The following MECOM variants were observed in gnomAD, a reference collection of about 807,000 sequenced individuals.
The protein encoded by MECOM is histone-lysine N-methyltransferase MECOM.
In MECOM, 13 loss-of-function variants were observed where a neutral mutation model predicts 116.3. The ratio of observed to expected loss-of-function variants is 0.11; its 90% CI spans 0.07 to 0.18. The LOEUF (loss-of-function observed/expected upper bound fraction) is 0.18, where lower values mean the gene tolerates loss of function less well. Among genes scored for constraint, MECOM ranks in the 10% least tolerant of loss-of-function variants. MECOM has a pLI of 1.00. For missense variants in MECOM, 1,299 were observed against 1,509.0 expected (o/e 0.86, Z 2.31); for synonymous variants, 528 against 535.2 (o/e 0.99, Z 0.19).
intron 1 of MECOM, among the ~76,000 whole-genome samples, chr3:169,517,865 G>A (rs544083540): frequency 6.6e-6 from 1 of 152,288 alleles, no homozygotes; most frequent in East Asian, 1.9e-4. Context: ...TAAGTAAATC[G>A]AGAAATAGCA....
intron 14 of MECOM, among the ~76,000 whole-genome samples, chr3:169,090,750 A>G (rs891632991): frequency 2.0e-5 from 3 of 151,936 alleles, no homozygotes; most frequent in Admixed American, 1.3e-4. Flanking sequence ...ACTAGATGAC[A>G]TTTGTGGTAC....
intron 14 of MECOM, among the ~76,000 whole-genome samples, chr3:169,092,305 G>A (rs1296896324): frequency 6.6e-6 from 1 of 151,870 alleles, no homozygotes; most frequent in Non-Finnish European, 1.5e-5. Context: ...AGGACATAAA[G>A]TAGCAATAGA....
intron 1 of MECOM, among the ~76,000 whole-genome samples, chr3:169,579,037 T>C (rs1764824243): frequency 6.6e-6 from 1 of 152,198 alleles, no homozygotes; most frequent in Admixed American, 6.5e-5. Flanking sequence ...TAACCATTAT[T>C]TAATTAACAG....
At chr3:169,314,950 C>T (rs1169278227) in intron 2 of MECOM, among the ~76,000 whole-genome samples, 3 of 152,192 alleles carry the variant, frequency 2.0e-5, no homozygotes, top group Admixed American at 6.5e-5. Context: ...TGTTAAGTAA[C>T]TACTATGTGG....
intron 1 of MECOM, among the ~76,000 whole-genome samples, chr3:169,654,813 AACACACAC>A (rs10622808): frequency 5.4e-5 from 8 of 147,986 alleles, no homozygotes; most frequent in South Asian, 2.1e-4. Flanking sequence ...CACCTATCAA[AACACACAC>A]ACACACACAC....
At chr3:169,131,638 A>C in intron 3 of MECOM, 107 bp from the exon 4 acceptor site, 1 of 801,928 alleles carries the variant, frequency 1.2e-6, no homozygotes, top group Non-Finnish European at 1.9e-6. Flanking sequence ...ACCTTAACAA[A>C]CATCTTTTTC....
intron 1 of MECOM, among the ~76,000 whole-genome samples, chr3:169,445,951 A>C (rs1186005636): frequency 6.6e-6 from 1 of 152,116 alleles, no homozygotes; most frequent in Non-Finnish European, 1.5e-5. Flanking sequence ...AGTTTCTCCC[A>C]TTTGGAATGG....
At chr3:169,504,072 T>C (rs559627616) in intron 1 of MECOM, among the ~76,000 whole-genome samples, 2 of 150,936 alleles carry the variant, frequency 1.3e-5, no homozygotes, top group South Asian at 2.1e-4. Context: ...TCTCTGAAAA[T>C]AGATCAAAAG....
At chr3:169,572,186 G>C (rs561546056) in intron 1 of MECOM, among the ~76,000 whole-genome samples, 27 of 152,292 alleles carry the variant, frequency 1.8e-4, no homozygotes, top group Admixed American at 9.1e-4. Context: ...TGAATGATAT[G>C]AACAGACATT....
At chr3:169,147,514 A>G in intron 2 of MECOM, 2 of 985,464 alleles carry the variant, frequency 2.0e-6, no homozygotes, top group Non-Finnish European at 1.2e-6. Context: ...TTTTAAAGTG[A>G]CAGCAGCCTC....
intron 2 of MECOM, among the ~76,000 whole-genome samples, chr3:169,283,846 G>A (rs543877403): frequency 3.9e-5 from 6 of 152,122 alleles, no homozygotes; most frequent in African/African-American, 1.4e-4. Context: ...CTGGCAAATG[G>A]CTTCTACTGA....
chr3:169,603,747 C>CAATA (rs1768127979), intron 1 of MECOM, among the ~76,000 whole-genome samples: 2 of 152,142 alleles, frequency 1.3e-5, no homozygotes, highest in Non-Finnish European at 2.9e-5. Flanking sequence ...CTTCAATGTG[C>CAATA]AATAGGCTAA....
At chr3:169,291,119 C>T (rs993703454) in intron 2 of MECOM, among the ~76,000 whole-genome samples, 10 of 152,238 alleles carry the variant, frequency 6.6e-5, no homozygotes, top group South Asian at 2.1e-4. Context: ...ATCCTTCAGT[C>T]GAAGCTCATT....
intron 1 of MECOM, among the ~76,000 whole-genome samples, chr3:169,615,230 G>A (rs1769852814): frequency 1.3e-5 from 2 of 152,194 alleles, no homozygotes; most frequent in African/African-American, 4.8e-5. Context: ...CCACGTTCAT[G>A]TCTCCTCTAG....
At chr3:169,339,273 G>A (rs1160356071) in intron 2 of MECOM, among the ~76,000 whole-genome samples, 1 of 152,302 alleles carries the variant, frequency 6.6e-6, no homozygotes, top group South Asian at 2.1e-4. Flanking sequence ...CAAAAATGTG[G>A]TCATTTGGGA....
intron 2 of MECOM, among the ~76,000 whole-genome samples, chr3:169,300,402 G>T (rs757862913): frequency 2.0e-5 from 3 of 152,148 alleles, no homozygotes; most frequent in Non-Finnish European, 4.4e-5. Flanking sequence ...TTTATAAAAT[G>T]ATCTTGCGGC....
chr3:169,377,227 G>A lies in MECOM; in HGVS notation c.375+3960C>T, dbSNP rs144360898. On this transcript the variant is annotated intron_variant, in intron 2 of 16. Transcript: ENST00000651503. ...AAGACCTAAAACCATAAAAACTCTA[G>A]AAGAAAACCTAGGCAATACCATCCA... Among the ~76,000 whole-genome samples, 669 of 152,232 alleles carry A rather than the reference G, an allele frequency of 4.4e-3. 3 individuals are homozygous for A. The highest frequency in any genetic ancestry group is 7.9e-3 in the Non-Finnish European group (538 of 68,010).
Position 169,304,854 on chromosome 3 carries a change from A to C in MECOM, c.375+76333T>G, listed in dbSNP as rs564812718. On this transcript the variant is annotated intron_variant, in intron 2 of 16. Coordinates refer to ENST00000651503, the MANE Select transcript of MECOM (RefSeq NM_004991.4). ...TTAGAGTTAGTTTTTATAATTAGAT[A>C]TCTCTCTTTCCACTCAATTTCTCTC... 5.3e-5 allele frequency among the ~76,000 whole-genome samples: 8 copies of C among 152,380 alleles called. No individual in the cohort carries two copies. In the East Asian group the frequency reaches 1.5e-3, roughly 29 times the overall value.
At chr3:169,491,041 T>A (rs1445066144) in intron 1 of MECOM, among the ~76,000 whole-genome samples, 2 of 151,930 alleles carry the variant, frequency 1.3e-5, no homozygotes, top group Admixed American at 6.6e-5. Flanking sequence ...TAATTTTTTG[T>A]GGAGACGGGT....
Sources: allele counts gnomAD v4.1 joint callset (sites outside exome capture counted in the v4.1 genomes callset), GRCh38; gene constraint gnomAD v4.1.1; transcripts MANE v1.5; gene names NCBI Gene and HGNC (gene_info 2026-07-23, HGNC 2026-07-21).